Variants in CDH3 observed in about 807,000 individuals in gnomAD.
The protein encoded by CDH3 is cadherin-3.
CDH3 carries 54 observed loss-of-function variants against 82.0 expected under a neutral mutation model. That is an observed-to-expected ratio of 0.66 (90% CI 0.53 to 0.83). The LOEUF is 0.83. Ranked by LOEUF, CDH3 falls within the 40% of genes least tolerant of loss-of-function variation. The probability of loss-of-function intolerance (pLI) is 0.00; values close to 1 mark genes in which losing one functional copy is unlikely to be tolerated. For missense variants in CDH3, 1,054 were observed against 1,084.6 expected (o/e 0.97, Z 0.40); for synonymous variants, 446 against 437.9 (o/e 1.02, Z -0.23).
intron 2 of CDH3, 29 bp from the exon 3 acceptor site, chr16:68,676,356 C>T (rs1209296491): frequency 1.3e-6 from 2 of 1,544,766 alleles, no homozygotes; most frequent in East Asian, 2.2e-5. Context: ...TCCTGCCTTC[C>T]TAATGCTCTC....
chr16:68,677,901 C>T (rs1474705486), intron 3 of CDH3, among the ~76,000 whole-genome samples: 1 of 151,926 alleles, frequency 6.6e-6, no homozygotes, highest in Non-Finnish European at 1.5e-5. Context: ...TTGCAATAGG[C>T]TCATCTAGGT....
At chr16:68,678,303 G>A (rs750732265) in intron 4 of CDH3, 26 bp downstream of exon 4, 8 of 1,613,386 alleles carry the variant, frequency 5.0e-6, no homozygotes, top group African/African-American at 1.3e-5. Flanking sequence ...CTCCTGGGAA[G>A]CATTGGTGGC....
chr16:68,692,830 C>T (rs190491294), intron 13 of CDH3, among the ~76,000 whole-genome samples: 1 of 152,312 alleles, frequency 6.6e-6, no homozygotes, highest in African/African-American at 2.4e-5. Context: ...CTTTGCTGGG[C>T]GCAGTGGCTC....
intron 7 of CDH3, among the ~76,000 whole-genome samples, chr16:68,680,184 C>A (rs1043252597): frequency 2.6e-5 from 4 of 152,252 alleles, no homozygotes; most frequent in Non-Finnish European, 4.4e-5. Context: ...GTTAAATCTC[C>A]TCCAGGGCTG....
intron 7 of CDH3, 40 bp downstream of exon 7, chr16:68,680,014 G>T (rs1408684821): frequency 1.3e-5 from 20 of 1,594,768 alleles, no homozygotes; most frequent in Non-Finnish European, 1.7e-5. Context: ...ACCCAGACTT[G>T]CCCAGGCTGG....
intron 2 of CDH3, among the ~76,000 whole-genome samples, chr16:68,673,465 G>T (rs1960943330): frequency 9.1e-6 from 1 of 109,584 alleles, no homozygotes; most frequent in Non-Finnish European, 1.9e-5. Flanking sequence ...CTAGCCCCTG[G>T]TCAATTCCTT....
chr16:68,714,156 A>T (rs1182204081), intron 1 of CDH3, among the ~76,000 whole-genome samples: 1 of 151,804 alleles, frequency 6.6e-6, no homozygotes, highest in Non-Finnish European at 1.5e-5. Context: ...CTGGTCTCGA[A>T]CTCCTGACGT....
intron 1 of CDH3, among the ~76,000 whole-genome samples, chr16:68,718,204 A>G (rs926697494): frequency 6.6e-6 from 1 of 151,782 alleles, no homozygotes; most frequent in East Asian, 1.9e-4. Context: ...AGATTTTGCC[A>G]TGTTGCCCAG....
chr16:68,654,674 G>T (rs1960361600), intron 2 of CDH3, among the ~76,000 whole-genome samples: 1 of 141,954 alleles, frequency 7.0e-6, no homozygotes, highest in South Asian at 2.2e-4. Flanking sequence ...CTGCACTCCA[G>T]GCTGGGTGAC....
chr16:68,652,779 C>G (rs975086626), intron 2 of CDH3, among the ~76,000 whole-genome samples: 3 of 152,182 alleles, frequency 2.0e-5, no homozygotes, highest in African/African-American at 7.2e-5. Flanking sequence ...GGTGAATTTG[C>G]CTGCATTTGA....
At position 68,682,333 on chromosome 16, in the gene CDH3, G is replaced by T; in HGVS notation, c.1028G>T (p.Gly343Val). 6.2e-7 allele frequency: 1 copy of T among 1,613,960 alleles called. No homozygotes were observed. The change falls in exon 9 of 16, where the codon GGC (glycine) becomes GTC (valine). Residue 343 changes from glycine (G) to valine (V), a missense_variant. Gly to Val is a moderately radical substitution (Grantham distance 109). Transcript: ENST00000264012. The stretch of plus-strand genomic sequence containing the variant: ...GCCCATGTGCCTGAGAATGCAGTGG[G>T]CCATGAGGTGCAGAGGCTGACGGTC... ...YEAHVPENAV[G>V]HEVQRLTVTD... is the part of the protein sequence containing the mutation.
chr16:68,714,709 G>A (rs1962071397), intron 1 of CDH3, among the ~76,000 whole-genome samples: 1 of 152,140 alleles, frequency 6.6e-6, no homozygotes, highest in East Asian at 1.9e-4. Flanking sequence ...CACTTTATGT[G>A]TACTACCTCA....
chr16:68,680,971 G>C lies in CDH3; in HGVS notation c.871G>C (p.Val291Leu). The C allele has an allele frequency of 6.2e-7, 1 of 1,614,068 alleles. No homozygotes were observed. Among genetic ancestry groups the C allele is most frequent in the Non-Finnish European group, 8.5e-7 (1 of 1,179,988 alleles). ...TTCCCCTCTCCTTTCTCCCCAGAAA[G>C]TCCCTGAGTACACACTGACCATCCA... ...VISSGLDREK[V>L]PEYTLTIQAT... Residue 291 changes from valine (V) to leucine (L), a missense_variant, in exon 8 of 16, where the codon GTC (valine) becomes CTC (leucine). Val to Leu is a conservative substitution (Grantham distance 32). Transcript: ENST00000264012.
At chr16:68,685,091 T>C in intron 10 of CDH3, 114 bp from the exon 11 acceptor site, 1 of 1,309,186 alleles carries the variant, frequency 7.6e-7, no homozygotes. Context: ...ATTTTCCATA[T>C]GATCCTGCTT....
At chr16:68,690,567 C>T (rs918925980) in intron 12 of CDH3, among the ~76,000 whole-genome samples, 5 of 151,230 alleles carry the variant, frequency 3.3e-5, no homozygotes, top group Non-Finnish European at 7.4e-5. Context: ...GAGCTGAGAT[C>T]GCGCCACTGT....
intron 1 of CDH3, among the ~76,000 whole-genome samples, chr16:68,705,381 C>T (rs1961947365): frequency 6.6e-6 from 1 of 152,054 alleles, no homozygotes; most frequent in African/African-American, 2.4e-5. Context: ...CTTTTTTATT[C>T]ATTCGTTTAA....
intron 2 of CDH3, among the ~76,000 whole-genome samples, chr16:68,726,516 A>G (rs1962220657): frequency 6.6e-6 from 1 of 151,906 alleles, no homozygotes; most frequent in Non-Finnish European, 1.5e-5. Flanking sequence ...TAGCACAGAG[A>G]TTAAGAGACT....
intron 2 of CDH3, among the ~76,000 whole-genome samples, chr16:68,646,859 C>A (rs1192997255): frequency 1.3e-5 from 2 of 152,104 alleles, no homozygotes; most frequent in Non-Finnish European, 2.9e-5. Flanking sequence ...TATCCCTCAC[C>A]CCAGGCACAA....
rs544028844 is a variant in CDH3, at chr16:68,707,926, G to A, written c.99+12003G>A. On this transcript the variant is annotated intron_variant, in intron 1 of 2. Coordinates refer to the CDH3 transcript ENST00000569080. The surrounding 1 kb of genome is among the most constrained non-coding windows in gnomAD (Gnocchi z 4.5). ...CTTCTGTCCCCACTGTTGTCCATCC[G>A]GTAAACCACGGCCAGCCCACAGCTG... Among the ~76,000 whole-genome samples, 41 of 152,152 alleles carry A rather than the reference G, an allele frequency of 2.7e-4. No homozygotes were observed. In the East Asian group the frequency reaches 4.6e-3, roughly 17 times the overall value.
Sources: allele counts gnomAD v4.1 joint callset (sites outside exome capture counted in the v4.1 genomes callset), GRCh38; gene constraint gnomAD v4.1.1; non-coding constraint Gnocchi (gnomAD v3.1); transcripts MANE v1.5; gene names NCBI Gene and HGNC (gene_info 2026-07-23, HGNC 2026-07-21).